Variants in RIMKLB observed in about 807,000 individuals in gnomAD.
RIMKLB encodes the protein beta-citrylglutamate synthase B.
In RIMKLB, 7 loss-of-function variants were observed where a neutral mutation model predicts 32.0. The ratio of observed to expected loss-of-function variants is 0.22; its 90% confidence interval spans 0.12 to 0.41. The LOEUF is 0.41. Ranked by LOEUF, RIMKLB falls within the 10% of genes least tolerant of loss-of-function variation. The probability of loss-of-function intolerance (pLI) is 1.00; values close to 1 mark genes in which losing one functional copy is unlikely to be tolerated. For synonymous variants in RIMKLB, 172 were observed against 185.1 expected, an observed-to-expected ratio of 0.93 and a Z score of 0.57; for missense variants, 289 against 498.7, an observed-to-expected ratio of 0.58 and a Z score of 4.00.
At chr12:8,748,534 GT>G (rs1948318271) in intron 2 of RIMKLB, among the ~76,000 whole-genome samples, 1 of 108,848 alleles carries the variant, frequency 9.2e-6, no homozygotes, top group Non-Finnish European at 2.1e-5. Context: ...GTGTGTGTGT[GT>G]GTGTGTGTGT....
intron 2 of RIMKLB, among the ~76,000 whole-genome samples, chr12:8,739,460 G>C (rs1234478209): frequency 4.6e-5 from 7 of 152,086 alleles, no homozygotes; most frequent in Middle Eastern, 3.4e-3. Flanking sequence ...TGGGATTACA[G>C]GTGTGTACCA....
chr12:8,676,625 C>G (rs942578139), upstream of RIMKLB, among the ~76,000 whole-genome samples: 1 of 151,836 alleles, frequency 6.6e-6, no homozygotes, highest in Non-Finnish European at 1.5e-5. Context: ...TCTTGAACGC[C>G]TGGCCTCAAG....
chr12:8,690,524 G>C (rs998463833), intron 1 of RIMKLB, among the ~76,000 whole-genome samples: 5 of 152,230 alleles, frequency 3.3e-5, no homozygotes, highest in African/African-American at 1.2e-4. Context: ...TTAAGAGCAT[G>C]TACTTTGCTA....
intron 5 of RIMKLB, among the ~76,000 whole-genome samples, chr12:8,763,666 AGT>A (rs1949715672): frequency 6.6e-6 from 1 of 152,238 alleles, no homozygotes; most frequent in Non-Finnish European, 1.5e-5. Context: ...TGTAGCCACA[AGT>A]GGCGAGGAAG....
At chr12:8,709,610 G>A (rs2136882694) in intron 1 of RIMKLB, among the ~76,000 whole-genome samples, 1 of 152,322 alleles carries the variant, frequency 6.6e-6, no homozygotes, top group South Asian at 2.1e-4. Context: ...CCATCGCTTG[G>A]GCACCGAGGA....
At chr12:8,777,699 G>A (rs747521582), downstream of RIMKLB, 14 of 1,286,180 alleles carry the variant, frequency 1.1e-5, no homozygotes, top group South Asian at 2.5e-5. Flanking sequence ...GAGAACTTTC[G>A]GGGTCAGTGC....
intron 5 of RIMKLB, among the ~76,000 whole-genome samples, chr12:8,772,606 C>T (rs1027423531): frequency 8.5e-5 from 13 of 152,198 alleles, no homozygotes; most frequent in African/African-American, 3.1e-4. Flanking sequence ...GAGGATCCAC[C>T]TCACCTGTCC....
At chr12:8,711,118 C>T (rs1273108478) in intron 1 of RIMKLB, among the ~76,000 whole-genome samples, 1 of 152,026 alleles carries the variant, frequency 6.6e-6, no homozygotes, top group African/African-American at 2.4e-5. Flanking sequence ...TCTGTAATCC[C>T]AGCTACTCAG....
chr12:8,755,348 T>C (rs1387243409), intron 5 of RIMKLB, among the ~76,000 whole-genome samples: 1 of 151,946 alleles, frequency 6.6e-6, no homozygotes, highest in Non-Finnish European at 1.5e-5. Flanking sequence ...TAATCCTCCT[T>C]CATTGGCCTT....
intron 2 of RIMKLB, among the ~76,000 whole-genome samples, chr12:8,741,388 A>G (rs562791346): frequency 2.0e-5 from 3 of 150,424 alleles, no homozygotes; most frequent in South Asian, 4.2e-4. Flanking sequence ...AAAAAAAAAA[A>G]GGAGAATCAG....
intron 2 of RIMKLB, among the ~76,000 whole-genome samples, chr12:8,726,246 G>C (rs1258148657): frequency 6.6e-6 from 1 of 152,250 alleles, no homozygotes; most frequent in Non-Finnish European, 1.5e-5. Flanking sequence ...ATTTTGGCCA[G>C]TAAGATGTAG....
chr12:8,678,380 G>GCT, upstream of RIMKLB, among the ~76,000 whole-genome samples: 1 of 151,688 alleles, frequency 6.6e-6, no homozygotes, highest in Admixed American at 6.6e-5. Flanking sequence ...GCCCAGGCTG[G>GCT]GGTGCAATGG....
chr12:8,671,047 A>G, the RIMKLB span, among the ~76,000 whole-genome samples: 1 of 152,102 alleles, frequency 6.6e-6, no homozygotes, highest in Non-Finnish European at 1.5e-5. Flanking sequence ...GGCTGCACAC[A>G]GCACAGAGAC....
intron 2 of RIMKLB, among the ~76,000 whole-genome samples, chr12:8,739,817 C>G (rs1396566176): frequency 6.6e-6 from 1 of 152,174 alleles, no homozygotes; most frequent in Non-Finnish European, 1.5e-5. Flanking sequence ...GATGAGAGCT[C>G]TACCTCCTTG....
Position 8,747,666 on chromosome 12 carries a change from T to C in RIMKLB, c.176-2196T>C, listed in dbSNP as rs1948221316. On this transcript the variant is annotated intron_variant, in intron 2 of 5. Coordinates refer to ENST00000535829, the MANE Select transcript of RIMKLB (RefSeq NM_001297776.2). ...AATTATTAGTAAGGAATTGATCATA[T>C]GGTGTATCTATAAAATGTAATTCCA... is the stretch of plus-strand genomic sequence containing the variant. Among the ~76,000 whole-genome samples the C allele has an allele frequency of 2.6e-5, 4 of 152,216 alleles. No homozygotes were observed. The East Asian group carries it at 5.8e-4, about 22-fold the overall frequency.
chr12:8,686,735 G>A (rs910733187), intron 1 of RIMKLB, among the ~76,000 whole-genome samples: 2 of 151,784 alleles, frequency 1.3e-5, no homozygotes, highest in Non-Finnish European at 2.9e-5. Flanking sequence ...GCCCGCCTAG[G>A]CCTCCCAAAT....
intron 2 of RIMKLB, 192 bp downstream of exon 2, chr12:8,714,233 T>G: frequency 5.9e-6 from 3 of 510,482 alleles, no homozygotes; most frequent in Non-Finnish European, 1.0e-5. Flanking sequence ...GAAACAGTTG[T>G]GAGGGAAATT....
chr12:8,777,082 C>T lies in RIMKLB; in HGVS notation c.*3298C>T, dbSNP rs1238784893. ...AAAATGTAGGTGCTCAGACAGGTAA[C>T]CACTGCTGCTACTGTTTTTATTTGT... On this transcript the variant is annotated 3_prime_UTR_variant, in exon 6 of 6. Coordinates refer to ENST00000535829, the MANE Select transcript of RIMKLB (RefSeq NM_001297776.2). 2 of 985,748 alleles carry T rather than the reference C, an allele frequency of 2.0e-6. No homozygotes were observed. Among genetic ancestry groups the T allele is most frequent in the African/African-American group, 1.7e-5 (1 of 57,174 alleles). 61.1% of individuals were successfully genotyped at this position (985,748 alleles called of 1,614,324 possible). A position where few individuals can be genotyped will look rare whatever the true frequency, so the allele number is the denominator to read the frequency against.
chr12:8,777,211 C>CTTTAT, downstream of RIMKLB: 2 of 483,346 alleles, frequency 4.1e-6, no homozygotes, highest in Non-Finnish European at 4.7e-6. Context: ...TGCTTGCTTG[C>CTTTAT]TTTCTTTTTT....
Sources: gnomAD v4.1 joint callset for allele counts (sites outside exome capture counted in the v4.1 genomes callset) on GRCh38, gnomAD v4.1.1 for gene constraint, MANE v1.5 for transcripts, NCBI Gene and HGNC (gene_info 2026-07-23, HGNC 2026-07-21) for gene names.